The following LMO3 variants were observed in gnomAD, a reference collection of about 807,000 sequenced individuals.
LMO3 encodes LIM domain only 3, also known as LIM domain only protein 3.
Under a neutral mutation model 15.8 loss-of-function variants are expected in LMO3, and 2 were observed. The ratio of observed to expected loss-of-function variants is 0.13; its 90% confidence interval spans 0.05 to 0.40. The LOEUF (loss-of-function observed/expected upper bound fraction) is 0.40, where lower values mean the gene tolerates loss of function less well. LMO3 is among the 10% of genes least tolerant of loss of function. The probability of loss-of-function intolerance (pLI) is 0.99; values close to 1 mark genes in which losing one functional copy is unlikely to be tolerated. For synonymous variants in LMO3, 62 were observed against 63.8 expected, an observed-to-expected ratio of 0.97 and a Z score of 0.13; for missense variants, 86 against 182.2, an observed-to-expected ratio of 0.47 and a Z score of 3.04.
At chr12:16,569,624 T>A (rs546567325) in intron 2 of LMO3, among the ~76,000 whole-genome samples, 5 of 152,292 alleles carry the variant, frequency 3.3e-5, no homozygotes, top group African/African-American at 1.2e-4. Flanking sequence ...GAAAAATATT[T>A]CCAGGCAAAT....
chr12:16,551,592 G>A (rs1325540655), intron 3 of LMO3, among the ~76,000 whole-genome samples: 1 of 144,694 alleles, frequency 6.9e-6, no homozygotes, highest in African/African-American at 2.6e-5. Context: ...AAGATGACTT[G>A]CTTTTTTTTT....
chr12:16,568,044 T>A lies in LMO3; in HGVS notation c.207-7506A>T, dbSNP rs1262549698. 2.6e-5 allele frequency among the ~76,000 whole-genome samples: 4 copies of A among 152,272 alleles called. No homozygotes were observed. The South Asian group carries it at 6.2e-4, about 24-fold the overall frequency. On this transcript the variant is annotated intron_variant, in intron 2 of 3. Transcript: ENST00000537304. ...GTTTGATTTTTTGGAATTCTTGAGA[T>A]CTAGACTTAGTACTACACTGGCAAC...
intron 2 of LMO3, among the ~76,000 whole-genome samples, chr12:16,583,523 A>G (rs1943230201): frequency 6.6e-6 from 1 of 152,254 alleles, no homozygotes; most frequent in Non-Finnish European, 1.5e-5. Flanking sequence ...AGCCAAGGAC[A>G]TAAAATTGGC....
chr12:16,551,112 C>T lies in LMO3; in HGVS notation c.*110G>A. On this transcript the variant is annotated 3_prime_UTR_variant, in exon 4 of 4. Transcript: ENST00000537304. ...TATTCCATATAACCATCCTGCCTTC[C>T]TATATCTACGCTATTCAGTAGGTTC... The T allele has an allele frequency of 1.4e-6, 1 of 706,070 alleles. No homozygotes were observed. The highest frequency in any genetic ancestry group is 2.5e-6 in the Non-Finnish European group (1 of 399,114). The allele number at this position is 706,070 out of a possible 1,614,324, so 43.7% of individuals were successfully genotyped here.
rs1458986754 is a variant in LMO3, at chr12:16,598,890, G to T, written c.206+1765C>A. 1 of 282,276 alleles carries T rather than the reference G, an allele frequency of 3.5e-6. No individual in the cohort carries two copies. The highest frequency in any genetic ancestry group is 3.1e-5 in the South Asian group (1 of 32,190). 17.5% of individuals were successfully genotyped at this position (282,276 alleles called of 1,614,324 possible). ...AAGTTTACTTAATTTTTGTCCTTTG[G>T]TTTATTAAAACACCTTAACATTGCC... On this transcript the variant is annotated intron_variant, in intron 2 of 3. Transcript: ENST00000537304. This position sits in a 1 kb window ranked among gnomAD's most constrained non-coding sequence, Gnocchi z 4.3.
chr12:16,564,388 G>C (rs1332690765), intron 2 of LMO3, among the ~76,000 whole-genome samples: 1 of 152,186 alleles, frequency 6.6e-6, no homozygotes, highest in Middle Eastern at 3.2e-3. Context: ...AACAGCTTCG[G>C]CAACATTGCC....
intron 3 of LMO3, among the ~76,000 whole-genome samples, chr12:16,554,958 G>C (rs779468456): frequency 5.3e-4 from 81 of 152,156 alleles, no homozygotes; most frequent in African/African-American, 1.9e-3. Context: ...CACCGCGCCC[G>C]GCCAGGTTTA....
intron 2 of LMO3, among the ~76,000 whole-genome samples, chr12:16,594,975 T>C (rs1040888165): frequency 7.3e-5 from 11 of 151,536 alleles, no homozygotes; most frequent in African/African-American, 2.7e-4. Flanking sequence ...CCCAGAATTC[T>C]ATGTATTTAT....
chr12:16,607,090 A>T (rs1024090540), upstream of LMO3: 1 of 152,332 alleles, frequency 6.6e-6, no homozygotes, highest in African/African-American at 2.4e-5. Context: ...ACTTCCATTC[A>T]TGAACTCTCT....
At chr12:16,572,490 T>G (rs969799619) in intron 2 of LMO3, among the ~76,000 whole-genome samples, 1 of 150,150 alleles carries the variant, frequency 6.7e-6, no homozygotes, top group Admixed American at 6.6e-5. Context: ...GACTTATTAT[T>G]TGAAGTACTT....
At chr12:16,574,368 G>A (rs1942926604) in intron 2 of LMO3, among the ~76,000 whole-genome samples, 1 of 152,142 alleles carries the variant, frequency 6.6e-6, no homozygotes, top group East Asian at 1.9e-4. Context: ...GTGCAGAGAG[G>A]AGAGACCTTC....
chr12:16,595,994 C>T (rs997818180), intron 2 of LMO3, among the ~76,000 whole-genome samples: 1 of 151,344 alleles, frequency 6.6e-6, no homozygotes, highest in African/African-American at 2.4e-5. Flanking sequence ...AGCATCTGTG[C>T]TATAAATTGC....
At chr12:16,566,023 TATATATATATATATATAA>T (rs1771359864) in intron 2 of LMO3, among the ~76,000 whole-genome samples, 1 of 79,174 alleles carries the variant, frequency 1.3e-5, no homozygotes, top group East Asian at 4.1e-4. Flanking sequence ...TATATATATA[TATATATATATATATATAA>T]AATGGAGTAC....
intron 2 of LMO3, chr12:16,573,792 G>A (rs754809571): frequency 6.6e-6 from 1 of 152,072 alleles, no homozygotes; most frequent in East Asian, 1.9e-4. Flanking sequence ...GAAGTTGATC[G>A]GGGGTAGAGA....
At chr12:16,605,838 C>G in intron 1 of LMO3, 3 of 1,534,898 alleles carry the variant, frequency 2.0e-6, no homozygotes, top group Non-Finnish European at 2.6e-6. Context: ...TATTTCATGT[C>G]TCATCATAAA....
At position 16,555,259 on chromosome 12, in the gene LMO3, G is replaced by T. The variant is rs891259522; in HGVS notation, c.333-3932C>A. ...TCCCCTTTTTCTGTCTACTTAAATT[G>T]TAACAATCCTTGAGTTCCCATTGCC... On this transcript the variant is annotated intron_variant, in intron 3 of 3. Transcript: ENST00000537304. This position sits in a 1 kb window ranked among gnomAD's most constrained non-coding sequence, Gnocchi z 5.5. Among the ~76,000 whole-genome samples the T allele has an allele frequency of 6.6e-6, 1 of 152,002 alleles. No homozygotes were observed. Among genetic ancestry groups the T allele is most frequent in the African/African-American group, 2.4e-5 (1 of 41,398 alleles).
In LMO3 at chr12:16,598,505, G is replaced by T. The variant is rs545853521; in HGVS notation, c.206+2150C>A. On this transcript the variant is annotated intron_variant, in intron 2 of 3. Coordinates refer to ENST00000537304, the MANE Select transcript of LMO3 (RefSeq NM_018640.5). This position sits in a 1 kb window ranked among gnomAD's most constrained non-coding sequence, Gnocchi z 4.3. ...GAATATATTGGCAATCAGGACCAGG[G>T]TTTATATTTGAAAGAATATTATATA... is the stretch of plus-strand genomic sequence containing the variant. 59 of 152,078 alleles carry T rather than the reference G, an allele frequency of 3.9e-4. No homozygotes were observed. The highest frequency in any genetic ancestry group is 1.4e-3 in the African/African-American group (59 of 41,492). The allele number at this position is 152,078 out of a possible 1,614,324, so 9.4% of individuals were successfully genotyped here.
At chr12:16,578,635 T>C (rs564761582) in intron 2 of LMO3, among the ~76,000 whole-genome samples, 1 of 152,096 alleles carries the variant, frequency 6.6e-6, no homozygotes, top group Non-Finnish European at 1.5e-5. Flanking sequence ...TTGGCCAACA[T>C]GGTGAAGCCC....
Position 16,604,969 on chromosome 12 carries a change from C to T in LMO3, c.-9+1097G>A. 6.3e-7 allele frequency: 1 copy of T among 1,597,662 alleles called. No individual in the cohort carries two copies. The highest frequency in any genetic ancestry group is 1.1e-5 in the South Asian group (1 of 91,022). On this transcript the variant is annotated intron_variant, in intron 1 of 3. Coordinates refer to ENST00000537304, the MANE Select transcript of LMO3 (RefSeq NM_018640.5). This position sits in a 1 kb window ranked among gnomAD's most constrained non-coding sequence, Gnocchi z 5.3. ...AAAGGTAGAAGTAGAAGGGGGTCTC[C>T]TTGATTTCGCTTAAGTGTGGACCTG...
Sources: gnomAD v4.1 joint callset for allele counts (sites outside exome capture counted in the v4.1 genomes callset) on GRCh38, gnomAD v4.1.1 for gene constraint, Gnocchi (gnomAD v3.1) non-coding constraint, MANE v1.5 for transcripts, NCBI Gene and HGNC (gene_info 2026-07-23, HGNC 2026-07-21) for gene names.